The following POU2F3 variants were observed in gnomAD, a reference collection of about 807,000 sequenced individuals.
POU2F3 encodes the protein POU domain, class 2, transcription factor 3.
A neutral mutation model predicts 59.2 loss-of-function variants in POU2F3; 23 were observed. The ratio of observed to expected loss-of-function variants is 0.39; its 90% CI spans 0.28 to 0.55. The LOEUF (loss-of-function observed/expected upper bound fraction) is 0.55. Among genes scored for constraint, POU2F3 ranks in the 20% least tolerant of loss-of-function variants. The probability of loss-of-function intolerance (pLI) is 0.66; values close to 1 mark genes in which losing one functional copy is unlikely to be tolerated. For missense variants in POU2F3, 473 were observed against 544.5 expected, an observed-to-expected ratio of 0.87 and a Z score of 1.31; for synonymous variants, 190 against 214.6, an observed-to-expected ratio of 0.89 and a Z score of 1.00.
chr11:120,286,194 G>A (rs1940775995), intron 3 of POU2F3, among the ~76,000 whole-genome samples: 2 of 152,078 alleles, frequency 1.3e-5, no homozygotes, highest in Admixed American at 1.3e-4. Context: ...TTGTTCTATT[G>A]TTTTAACATA....
At chr11:120,241,871 G>T (rs1439704194) in intron 1 of POU2F3, among the ~76,000 whole-genome samples, 1 of 152,120 alleles carries the variant, frequency 6.6e-6, no homozygotes, top group Non-Finnish European at 1.5e-5. Context: ...ATAGCAGAGA[G>T]CAGAGAACAC....
chr11:120,293,728 G>A (rs1941108002), intron 3 of POU2F3, among the ~76,000 whole-genome samples: 1 of 152,104 alleles, frequency 6.6e-6, no homozygotes, highest in African/African-American at 2.4e-5. Context: ...CATGGGGAGG[G>A]GGTTAAAGAT....
chr11:120,307,767 G>A (rs1941539287), intron 9 of POU2F3, 152 bp downstream of exon 9: 2 of 1,046,066 alleles, frequency 1.9e-6, no homozygotes, highest in African/African-American at 3.2e-5. Flanking sequence ...CAGGCGCCCA[G>A]GTATTGGAGT....
rs1230238318 is a variant in POU2F3, at chr11:120,318,551, C to G, written c.*159C>G. On this transcript the variant is annotated 3_prime_UTR_variant, in exon 13 of 13. Coordinates refer to ENST00000543440, the MANE Select transcript of POU2F3 (RefSeq NM_014352.4). ...TGTCTTCTTCAAGAGCAAGGGCCTC[C>G]GGAGATCCAAACTGTGATTGAACCA... 5.7e-6 allele frequency: 4 copies of G among 701,032 alleles called. No individual in the cohort carries two copies. The African/African-American group carries it at 7.1e-5, about 13-fold the overall frequency. The allele number at this position is 701,032 out of a possible 1,614,324, so 43.4% of individuals were successfully genotyped here. A position where few individuals can be genotyped will look rare whatever the true frequency, so the allele number is the denominator to read the frequency against.
chr11:120,305,431 C>T, intron 7 of POU2F3: 1 of 917,322 alleles, frequency 1.1e-6, no homozygotes, highest in Non-Finnish European at 1.6e-6. Flanking sequence ...GCTGGCTCTC[C>T]TGAGCACGTG....
intron 3 of POU2F3, among the ~76,000 whole-genome samples, chr11:120,284,520 T>C (rs1591414547): frequency 6.6e-6 from 1 of 152,022 alleles, no homozygotes; most frequent in Non-Finnish European, 1.5e-5. Context: ...GGTTGTTGGG[T>C]GCTAGGGCCT....
chr11:120,287,397 A>G (rs943591753), intron 3 of POU2F3, among the ~76,000 whole-genome samples: 1 of 152,242 alleles, frequency 6.6e-6, no homozygotes, highest in African/African-American at 2.4e-5. Flanking sequence ...CATAGTAAGC[A>G]AGATAGGTCT....
At chr11:120,302,547 A>G in intron 6 of POU2F3, 179 bp downstream of exon 6, 1 of 573,902 alleles carries the variant, frequency 1.7e-6, no homozygotes, top group East Asian at 3.1e-5. Context: ...GGGACAATTT[A>G]CCAAGTGTCA....
chr11:120,285,891 G>GTT lies in POU2F3; in HGVS notation c.133-12368_133-12367dup, dbSNP rs35039795. Among the ~76,000 whole-genome samples the GTT allele has an allele frequency of 3.4e-4, 51 of 151,824 alleles. 1 individual carries two copies. Among genetic ancestry groups the GTT allele is most frequent in the Non-Finnish European group, 1.5e-5 (1 of 67,958 alleles). ...TGTTCTATTGTTTGGGGGTTTTTCT[G>GTT]TTTTTTTCTGAGACGGAGTCTTGCT... On this transcript the variant is annotated intron_variant, in intron 3 of 12. Transcript: ENST00000543440. This position sits in a 1 kb window ranked among gnomAD's most constrained non-coding sequence, Gnocchi z 4.3.
chr11:120,241,418 G>A (rs900410415), intron 1 of POU2F3, among the ~76,000 whole-genome samples: 2 of 152,162 alleles, frequency 1.3e-5, no homozygotes, highest in Non-Finnish European at 1.5e-5. Flanking sequence ...GTGAGTGCCC[G>A]GAGGGAGGGG....
chr11:120,284,910 T>C lies in POU2F3; in HGVS notation c.133-13355T>C, dbSNP rs974440521. Among the ~76,000 whole-genome samples, 6 of 152,314 alleles carry C rather than the reference T, an allele frequency of 3.9e-5. No homozygotes were observed. In the South Asian group the frequency reaches 1.2e-3, roughly 32 times the overall value. ...CTGACACAAGGCTGTCTTCCTCCTT[T>C]TAATCCTGTGTGTTGACACGTTTGT... On this transcript the variant is annotated intron_variant, in intron 3 of 12. Transcript: ENST00000543440.
chr11:120,275,577 C>T (rs1456025163), intron 3 of POU2F3, among the ~76,000 whole-genome samples: 1 of 152,204 alleles, frequency 6.6e-6, no homozygotes, highest in African/African-American at 2.4e-5. Flanking sequence ...CCAGGCAGAT[C>T]AGGACAGTGT....
intron 3 of POU2F3, among the ~76,000 whole-genome samples, chr11:120,277,137 A>G (rs1424413116): frequency 6.6e-6 from 1 of 152,162 alleles, no homozygotes; most frequent in Non-Finnish European, 1.5e-5. Flanking sequence ...AAAATCCAAA[A>G]AAGTTTAGCC....
At position 120,299,607 on chromosome 11, in the gene POU2F3, T is replaced by TATC. The variant is rs1406258630; in HGVS notation, c.259-16_259-14dup. 2 of 1,608,798 alleles carry TATC rather than the reference T, an allele frequency of 1.2e-6. No individual in the cohort carries two copies. The highest frequency in any genetic ancestry group is 8.5e-7 in the Non-Finnish European group (1 of 1,176,824). ...GCTTGTAAATTCTGTGGTGTATGTG[T>TATC]ATCTCTCCGTGTGTAGGACATGGCT... On this transcript the variant is annotated splice_polypyrimidine_tract_variant and intron_variant, in intron 4 of 12. Coordinates refer to ENST00000543440, the MANE Select transcript of POU2F3 (RefSeq NM_014352.4).
chr11:120,248,194 G>A (rs567402301), intron 2 of POU2F3, among the ~76,000 whole-genome samples: 9 of 152,224 alleles, frequency 5.9e-5, no homozygotes, highest in East Asian at 1.9e-4. Flanking sequence ...TCTCTTATCC[G>A]GGGATACCAC....
intron 4 of POU2F3, among the ~76,000 whole-genome samples, chr11:120,298,637 C>G (rs1941258678): frequency 6.6e-6 from 1 of 152,192 alleles, no homozygotes; most frequent in South Asian, 2.1e-4. Flanking sequence ...AAGGACCTAA[C>G]AGCTGAGCTG....
At chr11:120,315,581 T>C (rs184089793) in intron 11 of POU2F3, among the ~76,000 whole-genome samples, 154 bp downstream of exon 11, 1 of 152,316 alleles carries the variant, frequency 6.6e-6, no homozygotes, top group Admixed American at 6.5e-5. Context: ...TGTGATCAAA[T>C]AAGTCTGGAA....
chr11:120,280,014 G>T (rs563485145), intron 3 of POU2F3, among the ~76,000 whole-genome samples: 1 of 152,280 alleles, frequency 6.6e-6, no homozygotes, highest in South Asian at 2.1e-4. Flanking sequence ...AGAAGGTAGG[G>T]GTCCTTCACC....
At chr11:120,267,150 A>G (rs1372264867) in intron 2 of POU2F3, among the ~76,000 whole-genome samples, 5 of 147,866 alleles carry the variant, frequency 3.4e-5, no homozygotes, top group Non-Finnish European at 7.4e-5. Flanking sequence ...TTTTTTTTAG[A>G]CAGAGTTTCA....
Sources: gnomAD v4.1 joint callset for allele counts (sites outside exome capture counted in the v4.1 genomes callset) on GRCh38, gnomAD v4.1.1 for gene constraint, Gnocchi (gnomAD v3.1) non-coding constraint, MANE v1.5 for transcripts, NCBI Gene and HGNC (gene_info 2026-07-23, HGNC 2026-07-21) for gene names.